ARMC2: variants seen among roughly 807,000 people sequenced by gnomAD.
ARMC2 encodes armadillo repeat containing 2.
In ARMC2, 67 loss-of-function variants were observed where a neutral mutation model predicts 90.3. The observed-to-expected ratio is 0.74, with a 90% CI of 0.61 to 0.91. The LOEUF is 0.91. ARMC2 is among the 40% of genes least tolerant of loss of function. ARMC2 has a pLI of 0.00. For synonymous variants in ARMC2, 393 were observed against 393.0 expected, an observed-to-expected ratio of 1.00 and a Z score of 0.00; for missense variants, 920 against 1,030.9, an observed-to-expected ratio of 0.89 and a Z score of 1.47.
intron 3 of ARMC2, among the ~76,000 whole-genome samples, chr6:108,865,808 A>G (rs982104521): frequency 3.0e-4 from 45 of 152,236 alleles, no homozygotes; most frequent in African/African-American, 1.0e-3. Flanking sequence ...TTTTGAGCTC[A>G]GGAGTTTGAG....
chr6:108,882,161 G>A (rs1194303650), intron 5 of ARMC2, among the ~76,000 whole-genome samples: 1 of 151,872 alleles, frequency 6.6e-6, no homozygotes, highest in Non-Finnish European at 1.5e-5. Flanking sequence ...AAGGGTTCAG[G>A]CATGGTGGCT....
At chr6:108,903,163 A>G (rs1772322252) in intron 7 of ARMC2, among the ~76,000 whole-genome samples, 1 of 152,148 alleles carries the variant, frequency 6.6e-6, no homozygotes, top group Non-Finnish European at 1.5e-5. Flanking sequence ...GTGAGACTCC[A>G]TCTCAAAAAA....
chr6:108,908,012 A>C, intron 8 of ARMC2: 1 of 802,472 alleles, frequency 1.2e-6, no homozygotes, highest in Non-Finnish European at 1.9e-6. Context: ...TCCTGGGAAC[A>C]GAAGGAATCT....
chr6:109,002,403 A>C, the ARMC2 span: 2 of 1,375,540 alleles, frequency 1.5e-6, no homozygotes, highest in Admixed American at 3.4e-5. Context: ...AACTGAGGCT[A>C]AAGGAATGGG....
chr6:108,905,015 A>G (rs939985814), intron 8 of ARMC2, among the ~76,000 whole-genome samples: 2 of 152,158 alleles, frequency 1.3e-5, no homozygotes, highest in Non-Finnish European at 2.9e-5. Context: ...AAATGATATC[A>G]CTGTTTGAGG....
chr6:108,944,336 C>T (rs1776651116), intron 12 of ARMC2, among the ~76,000 whole-genome samples: 1 of 152,228 alleles, frequency 6.6e-6, no homozygotes, highest in African/African-American at 2.4e-5. Flanking sequence ...CTGGAGAACA[C>T]AGGATGGTAC....
chr6:108,873,191 T>A (rs952309791), intron 4 of ARMC2, among the ~76,000 whole-genome samples: 1 of 152,242 alleles, frequency 6.6e-6, no homozygotes, highest in African/African-American at 2.4e-5. Context: ...GAAACTTGAA[T>A]TTCATGTAAT....
intron 3 of ARMC2, among the ~76,000 whole-genome samples, chr6:108,866,216 T>A (rs757922018): frequency 3.3e-5 from 5 of 152,148 alleles, no homozygotes; most frequent in African/African-American, 4.8e-5. Flanking sequence ...ACCCTCTATA[T>A]TTCATTTTTC....
intron 10 of ARMC2, among the ~76,000 whole-genome samples, chr6:108,922,329 C>T (rs893254605): frequency 6.6e-6 from 1 of 151,396 alleles, no homozygotes; most frequent in South Asian, 2.1e-4. Context: ...TGCGGTGGTG[C>T]GATCAAAGGC....
the ARMC2 span, among the ~76,000 whole-genome samples, chr6:109,043,653 T>C: frequency 6.6e-6 from 1 of 152,122 alleles, no homozygotes; most frequent in African/African-American, 2.4e-5. Context: ...AAAATATGTA[T>C]AGACTCTATA....
At chr6:108,968,302 G>A (rs907898375) in intron 17 of ARMC2, among the ~76,000 whole-genome samples, 1 of 152,214 alleles carries the variant, frequency 6.6e-6, no homozygotes, top group Non-Finnish European at 1.5e-5. Flanking sequence ...CTGTAGCAAA[G>A]GCAGGAATTC....
At chr6:108,855,968 G>A (rs1354618663) in intron 2 of ARMC2, among the ~76,000 whole-genome samples, 1 of 152,160 alleles carries the variant, frequency 6.6e-6, no homozygotes, top group Non-Finnish European at 1.5e-5. Flanking sequence ...TATCTTACAT[G>A]TCTTTTGCAA....
chr6:108,922,648 A>G (rs1446270156), intron 10 of ARMC2, among the ~76,000 whole-genome samples: 4 of 152,204 alleles, frequency 2.6e-5, no homozygotes, highest in Non-Finnish European at 4.4e-5. Context: ...TTTCCCTTTA[A>G]AATGGGTCTC....
chr6:108,907,536 G>A (rs9374055), intron 8 of ARMC2: 40,586 of 1,145,308 alleles, frequency 0.035, 1,915 homozygotes, highest in East Asian at 0.21. Context: ...ATTCAGCAAC[G>A]ATCGAGATTG....
the ARMC2 span, among the ~76,000 whole-genome samples, chr6:108,989,770 A>C: frequency 6.6e-6 from 1 of 152,158 alleles, no homozygotes; most frequent in Non-Finnish European, 1.5e-5. Context: ...TCCTGCTTTA[A>C]GCCAAGATGG....
chr6:108,896,912 C>G (rs1771664862), intron 6 of ARMC2, among the ~76,000 whole-genome samples: 1 of 152,176 alleles, frequency 6.6e-6, no homozygotes, highest in African/African-American at 2.4e-5. Flanking sequence ...ACTCGCCTGA[C>G]TTATTTTCTG....
chr6:108,877,569 G>A (rs986731530), intron 5 of ARMC2, among the ~76,000 whole-genome samples: 2 of 152,206 alleles, frequency 1.3e-5, no homozygotes, highest in Admixed American at 6.5e-5. Flanking sequence ...TTTCCAGTTG[G>A]TGAATAAGAA....
At chr6:108,919,938 C>A (rs1006452509) in intron 10 of ARMC2, among the ~76,000 whole-genome samples, 5 of 152,078 alleles carry the variant, frequency 3.3e-5, no homozygotes, top group African/African-American at 1.2e-4. Context: ...AGTATAAATT[C>A]ACAAGATGTT....
At chr6:108,964,893 C>A in intron 16 of ARMC2, 87 bp from the exon 17 acceptor site, 1 of 1,007,646 alleles carries the variant, frequency 9.9e-7, no homozygotes, top group Non-Finnish European at 1.5e-6. Flanking sequence ...TTACATATCA[C>A]AGAAGGATAA....
Sources: gnomAD v4.1 joint callset for allele counts (sites outside exome capture counted in the v4.1 genomes callset) on GRCh38, gnomAD v4.1.1 for gene constraint, MANE v1.5 for transcripts, NCBI Gene and HGNC (gene_info 2026-07-23, HGNC 2026-07-21) for gene names.